Variants in DPP6 observed in about 807,000 individuals in gnomAD.
The protein encoded by DPP6 is A-type potassium channel modulatory protein DPP6.
Under a neutral mutation model 122.6 loss-of-function variants are expected in DPP6, and 69 were observed. The ratio of observed to expected loss-of-function variants is 0.56; its 90% CI spans 0.46 to 0.69. The LOEUF (loss-of-function observed/expected upper bound fraction) is 0.69, where lower values mean the gene tolerates loss of function less well. Among genes scored for constraint, DPP6 ranks in the 30% least tolerant of loss-of-function variants. The pLI is 0.00. For missense variants in DPP6, 928 were observed against 1,116.9 expected (o/e 0.83, Z 2.41); for synonymous variants, 418 against 433.1 (o/e 0.97, Z 0.43).
intron 1 of DPP6, among the ~76,000 whole-genome samples, chr7:154,247,895 C>T (rs760516014): frequency 3.9e-5 from 6 of 152,152 alleles, no homozygotes; most frequent in East Asian, 3.8e-4. Flanking sequence ...TCTATTCATA[C>T]AGTGAACTGT....
Position 154,877,506 on chromosome 7 carries a change from C to T in DPP6, c.2078+1406C>T, listed in dbSNP as rs752889767. ...GTCTCAAGGTTGATGAATCCAGACA[C>T]CAACAATGTCACCAACGACCCAGGC... is the stretch of plus-strand genomic sequence containing the variant. On this transcript the variant is annotated intron_variant, in intron 20 of 25. Coordinates refer to ENST00000377770, the MANE Select transcript of DPP6 (RefSeq NM_130797.4). This position sits in a 1 kb window ranked among gnomAD's most constrained non-coding sequence, Gnocchi z 5.2. Among the ~76,000 whole-genome samples, 13 of 152,108 alleles carry T rather than the reference C, an allele frequency of 8.5e-5. No individual in the cohort carries two copies. Among genetic ancestry groups the T allele is most frequent in the Admixed American group, 2.0e-4 (3 of 15,278 alleles).
intron 3 of DPP6, among the ~76,000 whole-genome samples, chr7:154,487,950 T>C (rs543123293): frequency 4.6e-5 from 7 of 152,324 alleles, no homozygotes; most frequent in African/African-American, 1.7e-4. Context: ...TGCATCTCTG[T>C]CTGGCTCTTG....
At chr7:153,906,236 A>C (rs1275382967) in intron 1 of DPP6, among the ~76,000 whole-genome samples, 1 of 152,146 alleles carries the variant, frequency 6.6e-6, no homozygotes, top group Non-Finnish European at 1.5e-5. Flanking sequence ...GTACAAGTGC[A>C]GTTGTGTTAC....
chr7:154,063,441 G>GT lies in DPP6; in HGVS notation c.243+10378_243+10379insT, dbSNP rs1454463658. ...TGGCTGTTGGTACCCCCATCGCAAGGGGGGGAGGCACCTCCCGCGAGGCAG... is the reference window on the plus strand; with the variant it reads ...TGGCTGTTGGTACCCCCATCGCAAGGTGGGGGAGGCACCTCCCGCGAGGCAG... On this transcript the variant is annotated intron_variant, in intron 1 of 25. Coordinates refer to ENST00000377770, the MANE Select transcript of DPP6 (RefSeq NM_130797.4). Among the ~76,000 whole-genome samples, 11 of 73,244 alleles carry GT rather than the reference G, an allele frequency of 1.5e-4. 1 individual carries two copies. Among genetic ancestry groups the GT allele is most frequent in the East Asian group, 1.0e-3 (2 of 1,960 alleles). The allele number at this position is 73,244 out of a possible 152,430, so 48.1% of individuals were successfully genotyped here.
intron 1 of DPP6, among the ~76,000 whole-genome samples, chr7:154,249,837 G>A (rs966943228): frequency 1.3e-5 from 2 of 152,088 alleles, no homozygotes; most frequent in Admixed American, 6.5e-5. Flanking sequence ...GATGGAGGCT[G>A]GATGTAAGGG....
At position 154,237,355 on chromosome 7, in the gene DPP6, G is replaced by T. The variant is rs1801283489; in HGVS notation, c.243+184292G>T. Reference sequence around the variant, plus strand: ...GTAGCTACTTTTAACAGTTTTAGGGGGTCAGTTCAAAAGTCTTTATAACTA... The same window carrying T: ...GTAGCTACTTTTAACAGTTTTAGGGTGTCAGTTCAAAAGTCTTTATAACTA... On this transcript the variant is annotated intron_variant, in intron 1 of 25. Coordinates refer to ENST00000377770, the MANE Select transcript of DPP6 (RefSeq NM_130797.4). Among the ~76,000 whole-genome samples the T allele has an allele frequency of 3.3e-5, 5 of 152,146 alleles. No homozygotes were observed. In the South Asian group the frequency reaches 1.0e-3, roughly 32 times the overall value.
intron 7 of DPP6, among the ~76,000 whole-genome samples, chr7:154,703,508 A>T (rs1408814282): frequency 1.3e-5 from 2 of 151,780 alleles, no homozygotes; most frequent in African/African-American, 4.8e-5. Context: ...AATCTTAGCT[A>T]CTAGGGAGGC....
intron 1 of DPP6, among the ~76,000 whole-genome samples, chr7:154,280,996 T>TTTC (rs1804469515): frequency 1.8e-5 from 1 of 56,260 alleles, no homozygotes; most frequent in Non-Finnish European, 5.9e-5. Context: ...TATTTATTTA[T>TTTC]TTATTTATTT....
intron 16 of DPP6, among the ~76,000 whole-genome samples, chr7:154,842,501 G>T (rs978933241): frequency 6.6e-6 from 1 of 152,188 alleles, no homozygotes; most frequent in Admixed American, 6.5e-5. Context: ...GCCTGGGGCT[G>T]CAAACCAGAG....
At chr7:153,906,150 C>G (rs778899153) in intron 1 of DPP6, among the ~76,000 whole-genome samples, 8 of 152,100 alleles carry the variant, frequency 5.3e-5, no homozygotes, top group Non-Finnish European at 1.2e-4. Context: ...TGGCAAATAC[C>G]ACTAGCTAAG....
At chr7:154,538,650 T>A (rs1450678422) in intron 3 of DPP6, among the ~76,000 whole-genome samples, 1 of 152,110 alleles carries the variant, frequency 6.6e-6, no homozygotes, top group African/African-American at 2.4e-5. Context: ...AAGGTGACAA[T>A]CAAATTAAGT....
At chr7:154,312,037 T>C (rs1337316935) in intron 1 of DPP6, among the ~76,000 whole-genome samples, 1 of 152,014 alleles carries the variant, frequency 6.6e-6, no homozygotes, top group Non-Finnish European at 1.5e-5. Flanking sequence ...GAAGAAAAAA[T>C]ATTTAGTCAC....
intron 5 of DPP6, among the ~76,000 whole-genome samples, chr7:154,571,926 C>G (rs1271374817): frequency 6.6e-6 from 1 of 152,176 alleles, no homozygotes; most frequent in East Asian, 1.9e-4. Context: ...TAGCAGGATC[C>G]TTGCACTCAG....
intron 1 of DPP6, among the ~76,000 whole-genome samples, chr7:154,321,189 A>T (rs1238844279): frequency 6.6e-6 from 1 of 151,934 alleles, no homozygotes; most frequent in Non-Finnish European, 1.5e-5. Flanking sequence ...AGGTGGGAGG[A>T]TCGCTTAAGC....
At position 154,470,663 on chromosome 7, in the gene DPP6, C is replaced by T. The variant is rs189851388; in HGVS notation, c.359-4276C>T. Reference sequence around the variant, plus strand: ...CATTGGCCACCGTAAAGAGTAACTACATCACTGCAGATTTCAGCATGCCTT... The same window carrying T: ...CATTGGCCACCGTAAAGAGTAACTATATCACTGCAGATTTCAGCATGCCTT... On this transcript the variant is annotated intron_variant, in intron 2 of 25. Coordinates refer to ENST00000377770, the MANE Select transcript of DPP6 (RefSeq NM_130797.4). 8.3e-4 allele frequency among the ~76,000 whole-genome samples: 127 copies of T among 152,288 alleles called. 1 individual carries two copies. Among genetic ancestry groups the T allele is most frequent in the Admixed American group, 2.7e-3 (41 of 15,298 alleles).
At chr7:154,245,565 G>C (rs977065037) in intron 1 of DPP6, among the ~76,000 whole-genome samples, 5 of 149,264 alleles carry the variant, frequency 3.3e-5, no homozygotes, top group Admixed American at 2.0e-4. Flanking sequence ...GAACCTGGGA[G>C]GTGGAGGTTG....
At chr7:153,999,461 A>G (rs955950334) in intron 1 of DPP6, among the ~76,000 whole-genome samples, 3 of 152,180 alleles carry the variant, frequency 2.0e-5, no homozygotes, top group Admixed American at 1.3e-4. Flanking sequence ...CCTTATGGGC[A>G]CTGAGTAACT....
intron 1 of DPP6, among the ~76,000 whole-genome samples, chr7:154,281,265 G>T (rs896461607): frequency 3.9e-5 from 6 of 151,922 alleles, no homozygotes; most frequent in Non-Finnish European, 8.8e-5. Context: ...CGCCCGCTTC[G>T]ACCTCCCCTA....
chr7:154,016,604 G>C (rs1394942871), intron 1 of DPP6, among the ~76,000 whole-genome samples: 2 of 151,912 alleles, frequency 1.3e-5, no homozygotes, highest in Non-Finnish European at 2.9e-5. Flanking sequence ...GTCTACAAAG[G>C]TTTTTGGAAA....
Sources: gnomAD v4.1 joint callset for allele counts (sites outside exome capture counted in the v4.1 genomes callset) on GRCh38, gnomAD v4.1.1 for gene constraint, Gnocchi (gnomAD v3.1) non-coding constraint, MANE v1.5 for transcripts, NCBI Gene and HGNC (gene_info 2026-07-23, HGNC 2026-07-21) for gene names.